The following JPH4 variants were observed in gnomAD, a reference collection of about 807,000 sequenced individuals.
The protein encoded by JPH4 is junctophilin-4.
JPH4 carries 18 observed loss-of-function variants against 57.6 expected under a neutral mutation model. The ratio of observed to expected loss-of-function variants is 0.31; its 90% CI spans 0.22 to 0.46. The LOEUF (loss-of-function observed/expected upper bound fraction) is 0.46. Ranked by LOEUF, JPH4 falls within the 20% of genes least tolerant of loss-of-function variation. JPH4 has a pLI of 1.00. For missense variants in JPH4, 727 were observed against 911.1 expected (o/e 0.80, Z 2.60); for synonymous variants, 425 against 406.6 (o/e 1.05, Z -0.54).
At chr14:23,575,000 T>G (rs1889239028) in intron 3 of JPH4, 1 of 154,650 alleles carries the variant, frequency 6.5e-6, no homozygotes, top group Non-Finnish European at 1.4e-5. Flanking sequence ...TATATAATAT[T>G]CCTGTTAGAC....
rs565670647 is a variant in JPH4 at position 23,571,548 on chromosome 14, G to C, written c.1271-88C>G. ...TTTATTCCTGACTGGGCACTTCCCAGGACTTTGGAATTCCCAGGCTCATAG... is the reference window on the plus strand; with the variant it reads ...TTTATTCCTGACTGGGCACTTCCCACGACTTTGGAATTCCCAGGCTCATAG... On this transcript the variant is annotated intron_variant, in intron 4 of 5. Coordinates refer to ENST00000356300, the MANE Select transcript of JPH4 (RefSeq NM_001146028.2). The surrounding 1 kb of genome is among the most constrained non-coding windows in gnomAD (Gnocchi z 4.6). 40 of 1,478,420 alleles carry C rather than the reference G, an allele frequency of 2.7e-5. 1 individual carries two copies. In the South Asian group the frequency reaches 5.0e-4, roughly 18 times the overall value. The allele number at this position is 1,478,420 out of a possible 1,614,324, so 91.6% of individuals were successfully genotyped here.
At chr14:23,573,937 A>AACACAC (rs35127620) in intron 3 of JPH4, among the ~76,000 whole-genome samples, 3,761 of 143,130 alleles carry the variant, frequency 0.026, 147 homozygotes, top group African/African-American at 0.087. Context: ...CTCTCTCTGT[A>AACACAC]ACACACACAC....
chr14:23,577,483 G>A lies in JPH4; in HGVS notation c.-30C>T, dbSNP rs946271770. 3.6e-6 allele frequency: 5 copies of A among 1,392,366 alleles called. No individual in the cohort carries two copies. Among genetic ancestry groups the A allele is most frequent in the Non-Finnish European group, 4.6e-6 (5 of 1,077,660 alleles). The allele number at this position is 1,392,366 out of a possible 1,614,324, so 86.3% of individuals were successfully genotyped here. ...GTAGTTGGCGCGGCCTCAGCCCCCC[G>A]GCGGCTCAGCGCATCCTGGGACTGG... On this transcript the variant is annotated 5_prime_UTR_variant, in exon 2 of 6. Transcript: ENST00000356300. The surrounding 1 kb of genome is among the most constrained non-coding windows in gnomAD (Gnocchi z 8.4).
Position 23,576,303 on chromosome 14 carries a change from G to C in JPH4, c.533C>G (p.Pro178Arg). ...SDPPTPPPPLPLPGDEGGSPA... is the reference protein window; with the variant it reads ...SDPPTPPPPLRLPGDEGGSPA... ...GCTGCCTCCCTCGTCGCCCGGCAAG[G>C]GCAGGGGCGGGGGTGGCGTCGGGGG... is the stretch of plus-strand genomic sequence containing the variant. The change falls in exon 3 of 6, where the codon CCC (proline) becomes CGC (arginine). Residue 178 changes from proline (P) to arginine (R), a missense_variant. By Grantham distance (103) the Pro-to-Arg change is moderately radical. This residue lies in a region of JPH4 where 131 missense variants were observed against 156.5 expected (regional missense o/e 0.84). Coordinates refer to ENST00000356300, the MANE Select transcript of JPH4 (RefSeq NM_001146028.2). This position sits in a 1 kb window ranked among gnomAD's most constrained non-coding sequence, Gnocchi z 8.0. 1 of 1,283,128 alleles carries C rather than the reference G, an allele frequency of 7.8e-7. No homozygotes were observed. Among genetic ancestry groups the C allele is most frequent in the Non-Finnish European group, 9.8e-7 (1 of 1,016,896 alleles). The allele number at this position is 1,283,128 out of a possible 1,614,324, so 79.5% of individuals were successfully genotyped here. A position where few individuals can be genotyped will look rare whatever the true frequency, so the allele number is the denominator to read the frequency against.
Position 23,575,636 on chromosome 14 carries a change from C to T in JPH4, c.1151+49G>A. ...GCACACCCGCCTTCCTGGTCCCCAGCGCACCCCCTCCTCTTAGCCCAGCTT... is the reference window on the plus strand; with the variant it reads ...GCACACCCGCCTTCCTGGTCCCCAGTGCACCCCCTCCTCTTAGCCCAGCTT... On this transcript the variant is annotated intron_variant, in intron 3 of 5. Coordinates refer to ENST00000356300, the MANE Select transcript of JPH4 (RefSeq NM_001146028.2). This position sits in a 1 kb window ranked among gnomAD's most constrained non-coding sequence, Gnocchi z 6.9. 1 of 1,555,636 alleles carries T rather than the reference C, an allele frequency of 6.4e-7. No individual in the cohort carries two copies. The highest frequency in any genetic ancestry group is 1.2e-5 in the South Asian group (1 of 84,932).
At chr14:23,573,725 C>T (rs538760876) in intron 3 of JPH4, among the ~76,000 whole-genome samples, 1 of 152,254 alleles carries the variant, frequency 6.6e-6, no homozygotes, top group Non-Finnish European at 1.5e-5. Context: ...CCTCCCACTG[C>T]CTGATCCTCT....
intron 5 of JPH4, among the ~76,000 whole-genome samples, chr14:23,570,143 CCTT>C (rs370606200): frequency 4.4e-4 from 66 of 151,608 alleles, no homozygotes; most frequent in African/African-American, 1.5e-3. Flanking sequence ...CGGTTTTCTG[CCTT>C]CTTCTCTATT....
rs1261444599 is a variant in JPH4, at chr14:23,577,570, C to T, written c.-117G>A. The T allele has an allele frequency of 2.2e-6, 2 of 889,308 alleles. No individual in the cohort carries two copies. The highest frequency in any genetic ancestry group is 3.1e-6 in the Non-Finnish European group (2 of 646,180). 55.1% of individuals were successfully genotyped at this position (889,308 alleles called of 1,614,324 possible). The stretch of plus-strand genomic sequence containing the variant: ...CGGGGCGGGGGCAGTTAGACCGGGG[C>T]CGGGCGGGGGGGCCCCAGCGAGGGC... On this transcript the variant is annotated 5_prime_UTR_variant, in exon 2 of 6. Transcript: ENST00000356300. The surrounding 1 kb of genome is among the most constrained non-coding windows in gnomAD (Gnocchi z 8.4).
intron 3 of JPH4, chr14:23,573,076 T>C: frequency 1.5e-6 from 1 of 647,718 alleles, no homozygotes; most frequent in East Asian, 2.7e-5. Flanking sequence ...TCACACCCCA[T>C]GACTTCCTCT....
At position 23,576,123 on chromosome 14, in the gene JPH4, C is replaced by T. The variant is rs1055208557; in HGVS notation, c.713G>A (p.Gly238Asp). The T allele has an allele frequency of 2.3e-6, 3 of 1,309,280 alleles. No homozygotes were observed. Among genetic ancestry groups the T allele is most frequent in the African/African-American group, 1.5e-5 (1 of 64,782 alleles). The allele number at this position is 1,309,280 out of a possible 1,614,324, so 81.1% of individuals were successfully genotyped here. ...LRAGGRRSSL[G>D]SKRGSLRSEV... ...GCTGCGCAGGGAGCCTCGCTTGCTG[C>T]CCAGGGAGCTGCGACGTCCGCCCGC... Residue 238 changes from glycine (G) to aspartate (D), a missense_variant, in exon 3 of 6, where the codon GGC (glycine) becomes GAC (aspartate). Coordinates refer to ENST00000356300, the MANE Select transcript of JPH4 (RefSeq NM_001146028.2). The surrounding 1 kb of genome is among the most constrained non-coding windows in gnomAD (Gnocchi z 8.0).
At chr14:23,574,811 GTTGT>G (rs1889235131) in intron 3 of JPH4, 1 of 258,014 alleles carries the variant, frequency 3.9e-6, no homozygotes, top group Non-Finnish European at 7.2e-6. Context: ...TTTCTATTCC[GTTGT>G]TTGTTTGGTT....
Position 23,576,939 on chromosome 14 carries a change from T to TG in JPH4, c.379+135dup. 2 of 1,001,032 alleles carry TG rather than the reference T, an allele frequency of 2.0e-6. No individual in the cohort carries two copies. The highest frequency in any genetic ancestry group is 3.1e-5 in the East Asian group (1 of 31,796). The allele number at this position is 1,001,032 out of a possible 1,614,324, so 62.0% of individuals were successfully genotyped here. On this transcript the variant is annotated intron_variant, in intron 2 of 5. Coordinates refer to ENST00000356300, the MANE Select transcript of JPH4 (RefSeq NM_001146028.2). This position sits in a 1 kb window ranked among gnomAD's most constrained non-coding sequence, Gnocchi z 8.0. Reference sequence around the variant, plus strand: ...GTGGGAGAGAGCAGAAATTGGGGGCTGGGGGTCACATCGATGGGGAATGGT... The same window carrying TG: ...GTGGGAGAGAGCAGAAATTGGGGGCTGGGGGGTCACATCGATGGGGAATGGT...
In JPH4 at chr14:23,571,096, C is replaced by T; in HGVS notation, c.1635G>A (p.Glu545=). The change falls in exon 5 of 6, where the codon GAG becomes GAA. Residue 545 remains glutamate (E), a synonymous_variant. Coordinates refer to ENST00000356300, the MANE Select transcript of JPH4 (RefSeq NM_001146028.2). This position sits in a 1 kb window ranked among gnomAD's most constrained non-coding sequence, Gnocchi z 4.6. ...GCAGGGGCTCTTCATCCTCCCCCTC[C>T]TCCTCTCGAAGACTTCCTGAACTGT... The part of the protein sequence containing the change: ...CSDSSGSLRE[E]EGEDEEPLPP... 1 of 1,614,008 alleles carries T rather than the reference C, an allele frequency of 6.2e-7. No homozygotes were observed. The highest frequency in any genetic ancestry group is 1.7e-4 in the Middle Eastern group (1 of 6,060).
Position 23,576,470 on chromosome 14 carries a change from A to G in JPH4, c.380-14T>C, listed in dbSNP as rs1595396076. The G allele has an allele frequency of 1.4e-6, 2 of 1,389,726 alleles. No homozygotes were observed. Among genetic ancestry groups the G allele is most frequent in the South Asian group, 1.7e-5 (1 of 59,486 alleles). 86.1% of individuals were successfully genotyped at this position (1,389,726 alleles called of 1,614,324 possible). A position where few individuals can be genotyped will look rare whatever the true frequency, so the allele number is the denominator to read the frequency against. ...CCTGGTAGGTGCCTGCGGGCGGCGG[A>G]GGGGTGGGAGAAAGAGTCAGGACGT... On this transcript the variant is annotated splice_polypyrimidine_tract_variant and intron_variant, in intron 2 of 5. Coordinates refer to ENST00000356300, the MANE Select transcript of JPH4 (RefSeq NM_001146028.2). The surrounding 1 kb of genome is among the most constrained non-coding windows in gnomAD (Gnocchi z 8.0).
At chr14:23,573,590 C>T (rs1327023032) in intron 3 of JPH4, among the ~76,000 whole-genome samples, 1 of 152,206 alleles carries the variant, frequency 6.6e-6, no homozygotes, top group Admixed American at 6.5e-5. Flanking sequence ...TGTGCTCAGG[C>T]ATCAGACTCA....
intron 5 of JPH4, among the ~76,000 whole-genome samples, chr14:23,570,432 C>T (rs952197828): frequency 1.7e-4 from 24 of 140,382 alleles, no homozygotes; most frequent in East Asian, 4.2e-4. Context: ...AGTGCAGTGG[C>T]GCGATCTCAG....
rs1889272918 is a variant in JPH4, at chr14:23,576,336, T to C, written c.500A>G (p.His167Arg). Residue 167 changes from histidine to arginine, a missense_variant, in exon 3 of 6, where the codon CAC (histidine) becomes CGC (arginine). His to Arg is a conservative substitution (Grantham distance 29). Transcript: ENST00000356300. The surrounding 1 kb of genome is among the most constrained non-coding windows in gnomAD (Gnocchi z 8.0). ...CGGGGGTGGCGTCGGGGGGTCGCTG[T>C]GGCCGGAATCCAGGGAGGTGCGGCG... ...SPRRTSLDSG[H>R]SDPPTPPPPL... is the part of the protein sequence containing the mutation. The C allele has an allele frequency of 1.5e-6, 2 of 1,299,018 alleles. No homozygotes were observed. Among genetic ancestry groups the C allele is most frequent in the South Asian group, 2.3e-5 (1 of 43,172 alleles). The allele number at this position is 1,299,018 out of a possible 1,614,324, so 80.5% of individuals were successfully genotyped here.
At position 23,569,624 on chromosome 14, in the gene JPH4, G is replaced by A; in HGVS notation, c.*10C>T. 3 of 1,550,216 alleles carry A rather than the reference G, an allele frequency of 1.9e-6. No individual in the cohort carries two copies. The highest frequency in any genetic ancestry group is 2.7e-5 in the African/African-American group (2 of 73,136). ...CGCAACCAAAGCCAGAACCAGGCCA[G>A]GAAGTAGCCTCAGGTGAGGAGCTGG... is the stretch of plus-strand genomic sequence containing the variant. On this transcript the variant is annotated 3_prime_UTR_variant, in exon 6 of 6. Coordinates refer to ENST00000356300, the MANE Select transcript of JPH4 (RefSeq NM_001146028.2). This position sits in a 1 kb window ranked among gnomAD's most constrained non-coding sequence, Gnocchi z 4.8.
chr14:23,576,925 C>G lies in JPH4; in HGVS notation c.379+150G>C, dbSNP rs1363202525. The G allele has an allele frequency of 4.4e-6, 4 of 903,086 alleles. No individual in the cohort carries two copies. Among genetic ancestry groups the G allele is most frequent in the Non-Finnish European group, 4.7e-6 (3 of 638,728 alleles). 55.9% of individuals were successfully genotyped at this position (903,086 alleles called of 1,614,324 possible). Reference sequence around the variant, plus strand: ...AAAGCATAATCATGGTGGGAGAGAGCAGAAATTGGGGGCTGGGGGTCACAT... The same window carrying G: ...AAAGCATAATCATGGTGGGAGAGAGGAGAAATTGGGGGCTGGGGGTCACAT... On this transcript the variant is annotated intron_variant, in intron 2 of 5. Transcript: ENST00000356300. This position sits in a 1 kb window ranked among gnomAD's most constrained non-coding sequence, Gnocchi z 8.0.
Sources: allele counts gnomAD v4.1 joint callset (sites outside exome capture counted in the v4.1 genomes callset), GRCh38; gene constraint gnomAD v4.1.1; regional missense constraint gnomAD v4.1.1; non-coding constraint Gnocchi (gnomAD v3.1); transcripts MANE v1.5; gene names NCBI Gene and HGNC (gene_info 2026-07-23, HGNC 2026-07-21).